Variants in NDOR1 observed in about 807,000 individuals in gnomAD.
NDOR1 encodes the protein NADPH dependent diflavin oxidoreductase 1.
In NDOR1, 61 loss-of-function variants were observed where a neutral mutation model predicts 67.2. The observed-to-expected ratio is 0.91, with a 90% confidence interval of 0.74 to 1.12. NDOR1 has a LOEUF of 1.12. NDOR1 is among the 50% of genes most tolerant of loss of function. The pLI is 0.00. For missense variants in NDOR1, 878 were observed against 802.8 expected (o/e 1.09, Z -1.13); for synonymous variants, 378 against 343.7 (o/e 1.10, Z -1.10).
rs1835300651 is a variant in NDOR1, at chr9:137,212,352, C to T, written c.214-150C>T. 1 of 677,616 alleles carries T rather than the reference C, an allele frequency of 1.5e-6. No individual in the cohort carries two copies. The highest frequency in any genetic ancestry group is 2.6e-6 in the Non-Finnish European group (1 of 384,708). 42.0% of individuals were successfully genotyped at this position (677,616 alleles called of 1,614,324 possible). A position where few individuals can be genotyped will look rare whatever the true frequency, so the allele number is the denominator to read the frequency against. On this transcript the variant is annotated intron_variant, in intron 2 of 13. Transcript: ENST00000684003. The surrounding 1 kb of genome is among the most constrained non-coding windows in gnomAD (Gnocchi z 4.3). ...GTGCCCATCATCCTGCAGGCTGGACCTGGGCCCTGCCTTTTGGTCAGATAG... is the reference window on the plus strand; with the variant it reads ...GTGCCCATCATCCTGCAGGCTGGACTTGGGCCCTGCCTTTTGGTCAGATAG...
Position 137,216,482 on chromosome 9 carries a change from G to A in NDOR1, c.*66G>A, listed in dbSNP as rs1000246543. The A allele has an allele frequency of 1.3e-4, 198 of 1,543,288 alleles. No individual in the cohort carries two copies. The highest frequency in any genetic ancestry group is 1.6e-4 in the Non-Finnish European group (184 of 1,149,950). On this transcript the variant is annotated 3_prime_UTR_variant, in exon 14 of 14. Coordinates refer to ENST00000684003, the MANE Select transcript of NDOR1 (RefSeq NM_014434.4). ...TGGGAGCCCAGGAAGGCATCCACGA[G>A]GGAGCTCCTGGCCAGCAGCCGTCAT...
intron 5 of NDOR1, 25 bp downstream of exon 5, chr9:137,214,093 A>G (rs1835399231): frequency 2.0e-6 from 3 of 1,532,858 alleles, no homozygotes; most frequent in Non-Finnish European, 2.6e-6. Flanking sequence ...CGGGTCACCC[A>G]CAGGCGCAGC....
Position 137,214,207 on chromosome 9 carries a change from G to GC in NDOR1, c.519dup (p.Ser174LeufsTer17). 6.2e-7 allele frequency: 1 copy of GC among 1,610,236 alleles called. No homozygotes were observed. The highest frequency in any genetic ancestry group is 2.2e-5 in the East Asian group (1 of 44,786). Reference sequence around the variant, plus strand: ...TGACCAGCGTGCCCTCCCACAGCCTGCCCTCCAAGTTCACCCTGCTGTTCC... The same window carrying GC: ...TGACCAGCGTGCCCTCCCACAGCCTGCCCCTCCAAGTTCACCCTGCTGTTCC... On this transcript the variant is annotated frameshift_variant, in exon 6 of 14. Transcript: ENST00000684003. LOFTEE classifies it high-confidence loss of function.
rs535526550 is a variant in NDOR1 at position 137,217,083 on chromosome 9, G to A, written c.*667G>A. 597 of 172,684 alleles carry A rather than the reference G, an allele frequency of 3.5e-3. 4 individuals are homozygous for A. The highest frequency in any genetic ancestry group is 0.015 in the African/African-American group (538 of 36,256). The allele number at this position is 172,684 out of a possible 1,614,324, so 10.7% of individuals were successfully genotyped here. A position where few individuals can be genotyped will look rare whatever the true frequency, so the allele number is the denominator to read the frequency against. ...GGTGCTGGGTGCTGGATGGATGGGCGTCCTCTAGCTCCTCCCGGTGCCCTG... is the reference window on the plus strand; with the variant it reads ...GGTGCTGGGTGCTGGATGGATGGGCATCCTCTAGCTCCTCCCGGTGCCCTG... On this transcript the variant is annotated 3_prime_UTR_variant, in exon 14 of 14. Coordinates refer to ENST00000684003, the MANE Select transcript of NDOR1 (RefSeq NM_014434.4).
Position 137,217,377 on chromosome 9 carries a change from G to A in NDOR1, c.*961G>A, listed in dbSNP as rs566034702. On this transcript the variant is annotated 3_prime_UTR_variant, in exon 14 of 14. Transcript: ENST00000684003. ...ACCAAGCCGTCCGTGCCGCTAGGGA[G>A]CCGAGACTGCCGGAAAGAGGAGCGG... 1 of 152,618 alleles carries A rather than the reference G, an allele frequency of 6.6e-6. No homozygotes were observed. The highest frequency in any genetic ancestry group is 2.1e-4 in the South Asian group (1 of 4,868). 9.5% of individuals were successfully genotyped at this position (152,618 alleles called of 1,614,324 possible).
At chr9:137,210,836 G>C (rs1375804447) in intron 2 of NDOR1, among the ~76,000 whole-genome samples, 1 of 152,130 alleles carries the variant, frequency 6.6e-6, no homozygotes, top group African/African-American at 2.4e-5. Flanking sequence ...GACAGAATGA[G>C]ACCCTGTCTC....
intron 6 of NDOR1, 27 bp downstream of exon 6, chr9:137,214,440 G>A (rs1288434495): frequency 1.3e-6 from 2 of 1,596,078 alleles, no homozygotes; most frequent in Admixed American, 1.7e-5. Flanking sequence ...ACCGAGGAGG[G>A]CAAGGTGAGG....
chr9:137,210,851 A>G (rs1835219627), intron 2 of NDOR1, among the ~76,000 whole-genome samples: 1 of 152,178 alleles, frequency 6.6e-6, no homozygotes, highest in South Asian at 2.1e-4. Context: ...TGTCTCAACA[A>G]CAAAAAAGGC....
rs1219172812 is a variant in NDOR1 at position 137,214,199 on chromosome 9, C to T, written c.513-5C>T. The T allele has an allele frequency of 3.1e-6, 5 of 1,608,392 alleles. No homozygotes were observed. Among genetic ancestry groups the T allele is most frequent in the Admixed American group, 1.7e-5 (1 of 59,766 alleles). ...TCCTGGTCTGACCAGCGTGCCCTCC[C>T]ACAGCCTGCCCTCCAAGTTCACCCT... On this transcript the variant is annotated splice_region_variant and splice_polypyrimidine_tract_variant and intron_variant, in intron 5 of 13. Transcript: ENST00000684003.
In NDOR1 at chr9:137,214,344, G is replaced by C; in HGVS notation, c.653G>C (p.Arg218Thr). ...CTAGCACCCATGATCTCCAACCAGA[G>C]AGTCACCGGCCCCTCCCACTTCCAG... ...PFLAPMISNQ[R>T]VTGPSHFQDV... The change falls in exon 6 of 14, where the codon AGA becomes ACA. Residue 218 changes from arginine to threonine, a missense_variant. Arg to Thr is a moderately conservative substitution (Grantham distance 71). Transcript: ENST00000684003. The C allele has an allele frequency of 6.2e-7, 1 of 1,614,142 alleles. No homozygotes were observed. Among genetic ancestry groups the C allele is most frequent in the Non-Finnish European group, 8.5e-7 (1 of 1,180,034 alleles).
chr9:137,214,514 G>A (rs2131374507), intron 6 of NDOR1, 56 bp from the exon 7 acceptor site: 2 of 1,609,190 alleles, frequency 1.2e-6, no homozygotes, highest in South Asian at 1.1e-5. Flanking sequence ...TTCTATCCGG[G>A]GCCCCGACAT....
intron 2 of NDOR1, among the ~76,000 whole-genome samples, chr9:137,208,738 C>A (rs142318432): frequency 5.2e-4 from 79 of 151,328 alleles, no homozygotes; most frequent in African/African-American, 1.5e-3. Context: ...GCGGGAGGAG[C>A]TCTTGAACTT....
Position 137,214,554 on chromosome 9 carries a change from G to A in NDOR1, c.723-16G>A, listed in dbSNP as rs745593114. 1 of 1,611,122 alleles carries A rather than the reference G, an allele frequency of 6.2e-7. No homozygotes were observed. Among genetic ancestry groups the A allele is most frequent in the Middle Eastern group, 1.7e-4 (1 of 5,896 alleles). ...CCTGCGGCGTCCCCACAGCCCTGGTGGCTTCTTCCACACAGCTTTGCTGCT... is the reference window on the plus strand; with the variant it reads ...CCTGCGGCGTCCCCACAGCCCTGGTAGCTTCTTCCACACAGCTTTGCTGCT... On this transcript the variant is annotated splice_polypyrimidine_tract_variant and intron_variant, in intron 6 of 13. Coordinates refer to ENST00000684003, the MANE Select transcript of NDOR1 (RefSeq NM_014434.4).
rs1206058068 is a variant in NDOR1 at position 137,215,504 on chromosome 9, C to G, written c.1271C>G (p.Ser424Cys). The G allele has an allele frequency of 1.2e-6, 2 of 1,613,202 alleles. No homozygotes were observed. The highest frequency in any genetic ancestry group is 1.7e-6 in the Non-Finnish European group (2 of 1,180,008). Residue 424 changes from serine to cysteine, a missense_variant, in exon 10 of 14, where the codon TCC becomes TGC. Transcript: ENST00000684003. ...RRGLCSSWLA[S>C]LDPGQGPVRV... ...GGCCTCTGCTCCTCCTGGCTGGCAT[C>G]CCTGGACCCTGGGCAAGGTGACCCC...
At position 137,216,422 on chromosome 9, in the gene NDOR1, G is replaced by T; in HGVS notation, c.*6G>T. ...AGACAGAGACGTGGGCCTGAGGCCCGCGGCTGCCCGTGCCCCCTCTGACAG... is the reference window on the plus strand; with the variant it reads ...AGACAGAGACGTGGGCCTGAGGCCCTCGGCTGCCCGTGCCCCCTCTGACAG... On this transcript the variant is annotated 3_prime_UTR_variant, in exon 14 of 14. Transcript: ENST00000684003. The T allele has an allele frequency of 1.9e-6, 3 of 1,596,550 alleles. No homozygotes were observed. Among genetic ancestry groups the T allele is most frequent in the Non-Finnish European group, 1.7e-6 (2 of 1,175,648 alleles).
chr9:137,213,670 C>G, intron 3 of NDOR1, 110 bp from the exon 4 acceptor site: 1 of 1,116,384 alleles, frequency 9.0e-7, no homozygotes. Flanking sequence ...GAGGGAGGCC[C>G]TCCCCAGGCT....
intron 2 of NDOR1, among the ~76,000 whole-genome samples, chr9:137,208,336 A>C (rs1363893890): frequency 6.6e-6 from 1 of 151,864 alleles, no homozygotes; most frequent in Admixed American, 6.6e-5. Context: ...CTGTAGTCCC[A>C]GCTACTCGGG....
At position 137,206,103 on chromosome 9, in the gene NDOR1, G is replaced by A. The variant is rs1259017609; in HGVS notation, c.136-129G>A. On this transcript the variant is annotated intron_variant, in intron 1 of 13. Transcript: ENST00000684003. ...GAGGAGGTTGGAACCTGAAAGAGAA[G>A]ACGGTCTGGCTGCTCACATAAATCC... 2.0e-5 allele frequency: 29 copies of A among 1,448,302 alleles called. No individual in the cohort carries two copies. In the South Asian group the frequency reaches 3.3e-4, roughly 17 times the overall value. The allele number at this position is 1,448,302 out of a possible 1,614,324, so 89.7% of individuals were successfully genotyped here.
rs1163765071 is a variant in NDOR1 at position 137,219,183 on chromosome 9, G to A, written c.*2767G>A. On this transcript the variant is annotated 3_prime_UTR_variant, in exon 14 of 14. Coordinates refer to ENST00000684003, the MANE Select transcript of NDOR1 (RefSeq NM_014434.4). ...ACTTGATCAGGCCCAGACCAGGTGG[G>A]GGTTGGCGCTGGCCTGTGTTGCAGG... 1.3e-5 allele frequency: 2 copies of A among 152,422 alleles called. No individual in the cohort carries two copies. The highest frequency in any genetic ancestry group is 1.5e-5 in the Non-Finnish European group (1 of 68,160). 9.4% of individuals were successfully genotyped at this position (152,422 alleles called of 1,614,324 possible).
Sources: allele counts gnomAD v4.1 joint callset (sites outside exome capture counted in the v4.1 genomes callset), GRCh38; gene constraint gnomAD v4.1.1; non-coding constraint Gnocchi (gnomAD v3.1); transcripts MANE v1.5; gene names NCBI Gene and HGNC (gene_info 2026-07-23, HGNC 2026-07-21).